The following PDSS2 variants were observed in gnomAD, a reference collection of about 807,000 sequenced individuals.
The protein encoded by PDSS2 is all trans-polyprenyl-diphosphate synthase PDSS2.
Under a neutral mutation model 44.5 loss-of-function variants are expected in PDSS2, and 31 were observed. The observed-to-expected ratio is 0.70, with a 90% CI of 0.52 to 0.94. The LOEUF is 0.94. Ranked by LOEUF, PDSS2 falls within the 40% of genes least tolerant of loss-of-function variation. PDSS2 has a pLI of 0.00. For synonymous variants in PDSS2, 157 were observed against 180.3 expected, an observed-to-expected ratio of 0.87 and a Z score of 1.03; for missense variants, 452 against 482.2, an observed-to-expected ratio of 0.94 and a Z score of 0.59.
intron 1 of PDSS2, among the ~76,000 whole-genome samples, chr6:107,354,530 T>C (rs1778534354): frequency 6.6e-6 from 1 of 152,200 alleles, no homozygotes; most frequent in African/African-American, 2.4e-5. Flanking sequence ...GCTTAAAAAC[T>C]AAAAGAAGCC....
At position 107,369,841 on chromosome 6, in the gene PDSS2, C is replaced by A. The variant is rs1012805922; in HGVS notation, c.297-35509G>T. 3.9e-5 allele frequency among the ~76,000 whole-genome samples: 6 copies of A among 151,900 alleles called. No homozygotes were observed. In the East Asian group the frequency reaches 9.7e-4, roughly 24 times the overall value. ...GCACCATAGTGAGACTCTGTCTCTA[C>A]AAATAAAAAAATTAGCTGGATGTGG... is the stretch of plus-strand genomic sequence containing the variant. On this transcript the variant is annotated intron_variant, in intron 1 of 7. Transcript: ENST00000369037.
At chr6:107,286,793 C>T (rs1776167615) in intron 2 of PDSS2, among the ~76,000 whole-genome samples, 1 of 152,066 alleles carries the variant, frequency 6.6e-6, no homozygotes, top group Admixed American at 6.6e-5. Context: ...ACCTGTAATC[C>T]CAGCACTTTG....
intron 6 of PDSS2, among the ~76,000 whole-genome samples, chr6:107,202,309 G>GC (rs1393606027): frequency 2.0e-5 from 3 of 151,840 alleles, no homozygotes; most frequent in Non-Finnish European, 4.4e-5. Flanking sequence ...AAAGTGCTGG[G>GC]ATTACAGGCA....
chr6:107,400,864 CAGACCAT>C, intron 1 of PDSS2, among the ~76,000 whole-genome samples: 1 of 152,330 alleles, frequency 6.6e-6, no homozygotes, highest in Non-Finnish European at 1.5e-5. Context: ...GCCTTAGAGA[CAGACCAT>C]AGGTTATGGT....
Position 107,456,246 on chromosome 6 carries a change from G to A in PDSS2, c.296+2744C>T, listed in dbSNP as rs368012221. 2.2e-4 allele frequency among the ~76,000 whole-genome samples: 34 copies of A among 152,300 alleles called. No individual in the cohort carries two copies. The East Asian group carries it at 3.9e-3, about 17-fold the overall frequency. ...TGAGGCAGGAGAATTACTTGAACCC[G>A]GGAGGTGGAAGCTGCAGTGAGCCGA... On this transcript the variant is annotated intron_variant, in intron 1 of 7. Coordinates refer to ENST00000369037, the MANE Select transcript of PDSS2 (RefSeq NM_020381.4).
intron 7 of PDSS2, among the ~76,000 whole-genome samples, chr6:107,163,761 C>T (rs1370352433): frequency 2.0e-5 from 3 of 152,038 alleles, no homozygotes; most frequent in Non-Finnish European, 2.9e-5. Flanking sequence ...TGCCACCACA[C>T]GCAGCTAATT....
At chr6:107,198,634 G>A (rs1301457733) in intron 6 of PDSS2, among the ~76,000 whole-genome samples, 1 of 152,116 alleles carries the variant, frequency 6.6e-6, no homozygotes, top group African/African-American at 2.4e-5. Flanking sequence ...CTGATATGGT[G>A]TTTTCTCACA....
intron 4 of PDSS2, among the ~76,000 whole-genome samples, chr6:107,218,250 C>G (rs980899245): frequency 1.3e-5 from 2 of 152,062 alleles, no homozygotes; most frequent in African/African-American, 4.8e-5. Flanking sequence ...TGTTGTTCAC[C>G]CAACTGCCAG....
chr6:107,316,840 C>T (rs139113893), intron 2 of PDSS2, among the ~76,000 whole-genome samples: 1 of 152,142 alleles, frequency 6.6e-6, no homozygotes, highest in African/African-American at 2.4e-5. Flanking sequence ...ACATATTGTG[C>T]ACATAAAACT....
At chr6:107,275,562 G>A (rs1775751066) in intron 2 of PDSS2, among the ~76,000 whole-genome samples, 1 of 152,044 alleles carries the variant, frequency 6.6e-6, no homozygotes, top group Admixed American at 6.6e-5. Context: ...GCTTTTCACA[G>A]TCACAGGCGT....
At chr6:107,156,728 AC>A (rs1770911903) in intron 7 of PDSS2, among the ~76,000 whole-genome samples, 1 of 152,180 alleles carries the variant, frequency 6.6e-6, no homozygotes, top group Admixed American at 6.5e-5. Flanking sequence ...TTGCACAGCT[AC>A]CAGCCCACAC....
chr6:107,228,279 C>T (rs1773904066), intron 4 of PDSS2, among the ~76,000 whole-genome samples: 1 of 152,200 alleles, frequency 6.6e-6, no homozygotes, highest in South Asian at 2.1e-4. Context: ...GTTTCTCTGC[C>T]TTCTCAATAT....
At chr6:107,211,645 G>A (rs1473348089) in intron 5 of PDSS2, among the ~76,000 whole-genome samples, 5 of 151,004 alleles carry the variant, frequency 3.3e-5, no homozygotes, top group East Asian at 1.9e-4. Flanking sequence ...CAGGAGAATC[G>A]CTTGAACCTG....
intron 1 of PDSS2, among the ~76,000 whole-genome samples, chr6:107,382,164 T>C (rs1461912584): frequency 2.0e-5 from 3 of 152,236 alleles, no homozygotes; most frequent in African/African-American, 7.2e-5. Context: ...CTACAGCACA[T>C]ATCTGTGTAT....
At position 107,371,174 on chromosome 6, in the gene PDSS2, C is replaced by CT. The variant is rs1054231231; in HGVS notation, c.297-36843dup. Reference sequence around the variant, plus strand: ...CAGCCTGGGCGACAAGAGCAAAACTCTGTCTCAAAGTAAAAAAAAAAAAAA... The same window carrying CT: ...CAGCCTGGGCGACAAGAGCAAAACTCTTGTCTCAAAGTAAAAAAAAAAAAAA... On this transcript the variant is annotated intron_variant, in intron 1 of 7. Transcript: ENST00000369037. 3.8e-4 allele frequency among the ~76,000 whole-genome samples: 30 copies of CT among 78,010 alleles called. No individual in the cohort carries two copies. In the South Asian group the frequency reaches 6.5e-3, roughly 17 times the overall value. The allele number at this position is 78,010 out of a possible 152,430, so 51.2% of individuals were successfully genotyped here.
intron 2 of PDSS2, among the ~76,000 whole-genome samples, chr6:107,328,845 C>G (rs1028832511): frequency 1.3e-5 from 2 of 152,184 alleles, no homozygotes; most frequent in East Asian, 3.8e-4. Flanking sequence ...ATCCCAGAAC[C>G]TTTTGTCCCA....
chr6:107,280,197 T>TTA (rs1426580981), intron 2 of PDSS2, among the ~76,000 whole-genome samples: 1 of 152,098 alleles, frequency 6.6e-6, no homozygotes, highest in Non-Finnish European at 1.5e-5. Flanking sequence ...GTAGCTAGGA[T>TTA]TACAGGCATG....
chr6:107,386,282 G>A (rs1044680593), intron 1 of PDSS2, among the ~76,000 whole-genome samples: 1 of 151,592 alleles, frequency 6.6e-6, no homozygotes, highest in African/African-American at 2.4e-5. Flanking sequence ...TTTGTACAAT[G>A]AGGAACAGTG....
At position 107,255,958 on chromosome 6, in the gene PDSS2, T is replaced by G. The variant is rs543958886; in HGVS notation, c.631-10339A>C. Among the ~76,000 whole-genome samples, 9 of 152,260 alleles carry G rather than the reference T, an allele frequency of 5.9e-5. No individual in the cohort carries two copies. The South Asian group carries it at 1.9e-3, about 32-fold the overall frequency. ...TAGGGTGCATTTCAATCTTGTAGGC[T>G]TGTATCAATAATGCTGATGCTTAGC... On this transcript the variant is annotated intron_variant, in intron 3 of 7. Coordinates refer to ENST00000369037, the MANE Select transcript of PDSS2 (RefSeq NM_020381.4).
Sources: gnomAD v4.1 joint callset for allele counts (sites outside exome capture counted in the v4.1 genomes callset) on GRCh38, gnomAD v4.1.1 for gene constraint, MANE v1.5 for transcripts, NCBI Gene and HGNC (gene_info 2026-07-23, HGNC 2026-07-21) for gene names.